Variants in RTN4R observed in about 807,000 individuals in gnomAD.
RTN4R encodes the protein reticulon-4 receptor.
A neutral mutation model predicts 27.7 loss-of-function variants in RTN4R; 4 were observed. That is an observed-to-expected ratio of 0.14 (90% CI 0.07 to 0.33). The LOEUF (loss-of-function observed/expected upper bound fraction) is 0.33. Ranked by LOEUF, RTN4R falls within the 10% of genes least tolerant of loss-of-function variation. RTN4R has a pLI of 1.00. For missense variants in RTN4R, 554 were observed against 671.5 expected, an observed-to-expected ratio of 0.83 and a Z score of 1.93; for synonymous variants, 290 against 305.6, an observed-to-expected ratio of 0.95 and a Z score of 0.53.
chr22:20,253,263 A>G (rs1177426717), intron 1 of RTN4R, among the ~76,000 whole-genome samples: 1 of 152,206 alleles, frequency 6.6e-6, no homozygotes, highest in African/African-American at 2.4e-5. Flanking sequence ...AGGCTTGAGG[A>G]CAGGCCTGGT....
chr22:20,258,093 C>T (rs2051222247), intron 1 of RTN4R, among the ~76,000 whole-genome samples: 1 of 152,208 alleles, frequency 6.6e-6, no homozygotes, highest in South Asian at 2.1e-4. Flanking sequence ...GGACCACCAT[C>T]CCCACCCCAC....
chr22:20,247,288 G>A (rs1362189030), intron 1 of RTN4R, among the ~76,000 whole-genome samples: 3 of 152,122 alleles, frequency 2.0e-5, no homozygotes, highest in Admixed American at 6.5e-5. Flanking sequence ...CCATGTCCCC[G>A]TCAGGCGGTC....
intron 1 of RTN4R, among the ~76,000 whole-genome samples, chr22:20,245,292 G>C (rs970490210): frequency 6.6e-6 from 1 of 152,220 alleles, no homozygotes; most frequent in African/African-American, 2.4e-5. Flanking sequence ...AGAGTCGGGT[G>C]AGGTGGGCTC....
intron 1 of RTN4R, among the ~76,000 whole-genome samples, 183 bp downstream of exon 1, chr22:20,267,880 CTCCGCCCT>C (rs2051288628): frequency 6.6e-6 from 1 of 152,018 alleles, no homozygotes; most frequent in Admixed American, 6.5e-5. Context: ...CCGCCTCCGG[CTCCGCCCT>C]CCCGGGGCCG....
At chr22:20,260,501 C>T (rs1569041593) in intron 1 of RTN4R, among the ~76,000 whole-genome samples, 1 of 152,176 alleles carries the variant, frequency 6.6e-6, no homozygotes, top group East Asian at 1.9e-4. Flanking sequence ...CCAGGAGCAC[C>T]AGCGCAGCAC....
intron 1 of RTN4R, among the ~76,000 whole-genome samples, chr22:20,252,629 T>C (rs1393543169): frequency 6.6e-6 from 1 of 152,062 alleles, no homozygotes; most frequent in African/African-American, 2.4e-5. Context: ...CTTATCACCA[T>C]CATCATCCCC....
chr22:20,263,146 C>T (rs2051257400), intron 1 of RTN4R, among the ~76,000 whole-genome samples: 1 of 152,226 alleles, frequency 6.6e-6, no homozygotes, highest in Non-Finnish European at 1.5e-5. Flanking sequence ...CCTCAAATTG[C>T]TGGGAGAAGC....
At chr22:20,261,633 G>T (rs1163799892) in intron 1 of RTN4R, among the ~76,000 whole-genome samples, 2 of 152,312 alleles carry the variant, frequency 1.3e-5, no homozygotes, top group East Asian at 3.9e-4. Flanking sequence ...CAACCCTGGG[G>T]TCTCCCGGAG....
chr22:20,244,090 G>A (rs2145973115), intron 1 of RTN4R, among the ~76,000 whole-genome samples: 1 of 152,360 alleles, frequency 6.6e-6, no homozygotes, highest in Non-Finnish European at 1.5e-5. Context: ...TCTGCCTTCA[G>A]CAGTGAGTCT....
chr22:20,268,058 C>T lies in RTN4R; in HGVS notation c.22+13G>A, dbSNP rs749546826. ...CGCCGCCGGCCGGGCTCGGGTGCAG[C>T]GCGGACACTCACCTCCAGCGGACGC... On this transcript the variant is annotated intron_variant, in intron 1 of 1. Transcript: ENST00000043402. 1 of 1,186,572 alleles carries T rather than the reference C, an allele frequency of 8.4e-7. No homozygotes were observed. Among genetic ancestry groups the T allele is most frequent in the Non-Finnish European group, 1.0e-6 (1 of 957,132 alleles). The allele number at this position is 1,186,572 out of a possible 1,614,324, so 73.5% of individuals were successfully genotyped here. A position where few individuals can be genotyped will look rare whatever the true frequency, so the allele number is the denominator to read the frequency against.
Position 20,247,888 on chromosome 22 carries a change from C to A in RTN4R, c.23-4778G>T, listed in dbSNP as rs895624259. ...AAACTGAGGCCCAGTGTGGGCAGAG[C>A]CTTCAGGACTGGCCTCCTGAGTGTG... On this transcript the variant is annotated intron_variant, in intron 1 of 1. Transcript: ENST00000043402. Among the ~76,000 whole-genome samples the A allele has an allele frequency of 2.6e-5, 4 of 152,218 alleles. No homozygotes were observed. The South Asian group carries it at 8.3e-4, about 31-fold the overall frequency.
chr22:20,265,506 T>G (rs2051272129), intron 1 of RTN4R, among the ~76,000 whole-genome samples: 1 of 152,186 alleles, frequency 6.6e-6, no homozygotes, highest in East Asian at 1.9e-4. Flanking sequence ...AACCTACGTT[T>G]CTGCCAGTCC....
At chr22:20,247,679 C>T (rs2051150101) in intron 1 of RTN4R, among the ~76,000 whole-genome samples, 1 of 152,078 alleles carries the variant, frequency 6.6e-6, no homozygotes, top group African/African-American at 2.4e-5. Context: ...GGTCCTGAGT[C>T]TCCTAGGGAA....
chr22:20,248,323 A>C (rs2051154426), intron 1 of RTN4R, among the ~76,000 whole-genome samples: 1 of 152,134 alleles, frequency 6.6e-6, no homozygotes, highest in African/African-American at 2.4e-5. Flanking sequence ...GGGGTGCGAA[A>C]AGGTCTTGCT....
chr22:20,246,974 G>A (rs904031656), intron 1 of RTN4R, among the ~76,000 whole-genome samples: 5 of 152,008 alleles, frequency 3.3e-5, no homozygotes, highest in Non-Finnish European at 7.3e-5. Context: ...GTGGAGAGGC[G>A]GCCAAGGGAG....
At position 20,242,618 on chromosome 22, in the gene RTN4R, T is replaced by C; in HGVS notation, c.515A>G (p.Asp172Gly). ...GAGGTTGCCCAGGTCGCGGAAGGTG[T>C]CATCAGGCAGTGCCTGCAGCGCGTT... ...QDNALQALPD[D>G]TFRDLGNLTH... The change falls in exon 2 of 2, where the codon GAC becomes GGC. Residue 172 changes from aspartate (D) to glycine (G), a missense_variant. Physicochemically the swap from Asp to Gly is moderately conservative, Grantham distance 94. Coordinates refer to ENST00000043402, the MANE Select transcript of RTN4R (RefSeq NM_023004.6). 2 of 1,609,558 alleles carry C rather than the reference T, an allele frequency of 1.2e-6. No homozygotes were observed. The highest frequency in any genetic ancestry group is 1.7e-6 in the Non-Finnish European group (2 of 1,178,916).
At chr22:20,248,728 C>G (rs1017546125) in intron 1 of RTN4R, among the ~76,000 whole-genome samples, 3 of 152,122 alleles carry the variant, frequency 2.0e-5, no homozygotes, top group African/African-American at 7.2e-5. Flanking sequence ...GAGTTAGGAG[C>G]CACAGAGGCC....
rs1396039994 is a variant in RTN4R at position 20,250,699 on chromosome 22, C to T, written c.23-7589G>A. On this transcript the variant is annotated intron_variant, in intron 1 of 1. Coordinates refer to ENST00000043402, the MANE Select transcript of RTN4R (RefSeq NM_023004.6). ...GACTCAGAAATACTGAAATACTCTG[C>T]AGGTCAAAACAGAAATGATCATTTT... 2.6e-5 allele frequency among the ~76,000 whole-genome samples: 4 copies of T among 152,156 alleles called. No homozygotes were observed. In the South Asian group the frequency reaches 6.2e-4, roughly 24 times the overall value.
intron 1 of RTN4R, among the ~76,000 whole-genome samples, chr22:20,264,137 G>A (rs1452335161): frequency 2.0e-5 from 3 of 152,240 alleles, no homozygotes; most frequent in African/African-American, 7.2e-5. Flanking sequence ...TGCCAGCTGA[G>A]GACATGGTGG....
Sources: gnomAD v4.1 joint callset for allele counts (sites outside exome capture counted in the v4.1 genomes callset) on GRCh38, gnomAD v4.1.1 for gene constraint, MANE v1.5 for transcripts, NCBI Gene and HGNC (gene_info 2026-07-23, HGNC 2026-07-21) for gene names.